The following MYO1B variants were observed in gnomAD, a reference collection of about 807,000 sequenced individuals.
MYO1B encodes unconventional myosin-Ib.
In MYO1B, 72 loss-of-function variants were observed where a neutral mutation model predicts 159.7. The ratio of observed to expected loss-of-function variants is 0.45; its 90% CI spans 0.37 to 0.55. MYO1B has a LOEUF of 0.55. MYO1B is among the 20% of genes least tolerant of loss of function. MYO1B has a pLI of 0.00. For missense variants in MYO1B, 1,062 were observed against 1,364.8 expected (o/e 0.78, Z 3.50); for synonymous variants, 468 against 473.8 (o/e 0.99, Z 0.16).
At chr2:191,337,844 G>A (rs1691957549) in intron 4 of MYO1B, among the ~76,000 whole-genome samples, 1 of 152,044 alleles carries the variant, frequency 6.6e-6, no homozygotes, top group African/African-American at 2.4e-5. Flanking sequence ...ATTCTCCTCA[G>A]AAATGCAGTT....
At chr2:191,348,164 G>C (rs1692688226) in intron 6 of MYO1B, among the ~76,000 whole-genome samples, 1 of 152,148 alleles carries the variant, frequency 6.6e-6, no homozygotes, top group African/African-American at 2.4e-5. Context: ...ACTATCAACT[G>C]AATTCTCAGG....
chr2:191,311,359 A>G (rs955974927), intron 3 of MYO1B, among the ~76,000 whole-genome samples: 1 of 152,216 alleles, frequency 6.6e-6, no homozygotes, highest in East Asian at 1.9e-4. Context: ...ACATGCAGGC[A>G]TAATCATAGG....
intron 1 of MYO1B, among the ~76,000 whole-genome samples, chr2:191,260,721 A>ATTTAG (rs1686761117): frequency 6.6e-6 from 1 of 152,178 alleles, no homozygotes; most frequent in Admixed American, 6.5e-5. Context: ...TGAAACTCAA[A>ATTTAG]TTTAGTTTTT....
chr2:191,325,993 G>A (rs1691036194), intron 3 of MYO1B, among the ~76,000 whole-genome samples: 1 of 152,130 alleles, frequency 6.6e-6, no homozygotes, highest in African/African-American at 2.4e-5. Context: ...TTTAAACATC[G>A]GGCTGACCCT....
rs551953817 is a variant in MYO1B at position 191,414,223 on chromosome 2, G to A, written c.3006+43G>A. On this transcript the variant is annotated intron_variant, in intron 28 of 30. Transcript: ENST00000392318. ...GAAGACTGATAAGAAGTACCTATTA[G>A]TTGGGATAGTCACCCTGTTTTCTGA... The A allele has an allele frequency of 1.6e-4, 250 of 1,573,990 alleles. 2 individuals are homozygous for A. Among genetic ancestry groups the A allele is most frequent in the South Asian group, 7.8e-4 (64 of 82,168 alleles).
At chr2:191,272,045 C>T (rs1264628762) in intron 1 of MYO1B, among the ~76,000 whole-genome samples, 1 of 152,166 alleles carries the variant, frequency 6.6e-6, no homozygotes, top group Non-Finnish European at 1.5e-5. Context: ...TTTTGAAATG[C>T]TGCTGTCAGT....
chr2:191,265,954 G>A (rs1687115919), intron 1 of MYO1B, among the ~76,000 whole-genome samples: 1 of 152,014 alleles, frequency 6.6e-6, no homozygotes, highest in African/African-American at 2.4e-5. Flanking sequence ...TGGCAGGTGG[G>A]GGGTCCATGT....
At chr2:191,333,402 A>G (rs1318867429) in intron 4 of MYO1B, among the ~76,000 whole-genome samples, 1 of 152,212 alleles carries the variant, frequency 6.6e-6, no homozygotes, top group Non-Finnish European at 1.5e-5. Context: ...AAATGAGACC[A>G]CTAGTCAACC....
intron 2 of MYO1B, among the ~76,000 whole-genome samples, 182 bp downstream of exon 2, chr2:191,277,212 C>T (rs529804063): frequency 6.6e-6 from 1 of 152,204 alleles, no homozygotes; most frequent in East Asian, 1.9e-4. Context: ...GTGGGTTAGA[C>T]AAGTCAGTCT....
chr2:191,275,158 C>T (rs1476439433), intron 1 of MYO1B, among the ~76,000 whole-genome samples: 1 of 152,174 alleles, frequency 6.6e-6, no homozygotes, highest in Non-Finnish European at 1.5e-5. Context: ...CCTGCCTCAG[C>T]CTCCCAAAGT....
intron 9 of MYO1B, 103 bp downstream of exon 9, chr2:191,362,474 C>T (rs902733741): frequency 2.7e-6 from 2 of 734,012 alleles, no homozygotes; most frequent in Non-Finnish European, 4.3e-6. Context: ...AGCTCATTCT[C>T]CCTAAGGTTT....
intron 30 of MYO1B, among the ~76,000 whole-genome samples, chr2:191,420,492 A>G (rs970151568): frequency 1.3e-5 from 2 of 152,220 alleles, no homozygotes; most frequent in African/African-American, 4.8e-5. Context: ...TACTAAGTTT[A>G]CACATACAAA....
chr2:191,382,739 T>C (rs1695117343), intron 14 of MYO1B, among the ~76,000 whole-genome samples: 1 of 152,202 alleles, frequency 6.6e-6, no homozygotes, highest in Admixed American at 6.5e-5. Flanking sequence ...AGTGGATAGA[T>C]TTTCATGTCT....
chr2:191,282,729 A>G (rs998477961), intron 2 of MYO1B, among the ~76,000 whole-genome samples: 2 of 152,168 alleles, frequency 1.3e-5, no homozygotes, highest in Non-Finnish European at 2.9e-5. Context: ...GCAGACCTTT[A>G]CCCAGGTAAT....
In MYO1B at chr2:191,348,806, C is replaced by T. The variant is rs536452429; in HGVS notation, c.499-1356C>T. Among the ~76,000 whole-genome samples the T allele has an allele frequency of 2.0e-5, 3 of 152,300 alleles. No individual in the cohort carries two copies. In the South Asian group the frequency reaches 6.2e-4, roughly 32 times the overall value. ...TAGCCAGGGAAATCTTGTAAATAGGCAGGTTTGATCATGGCATCCTTGTTT... is the reference window on the plus strand; with the variant it reads ...TAGCCAGGGAAATCTTGTAAATAGGTAGGTTTGATCATGGCATCCTTGTTT... On this transcript the variant is annotated intron_variant, in intron 6 of 30. Transcript: ENST00000392318.
At chr2:191,302,970 C>G (rs879445962) in intron 3 of MYO1B, among the ~76,000 whole-genome samples, 1 of 152,120 alleles carries the variant, frequency 6.6e-6, no homozygotes, top group Non-Finnish European at 1.5e-5. Context: ...GGATCACATA[C>G]CGTTGCCCAT....
At chr2:191,246,930 G>A (rs1389083554) in intron 1 of MYO1B, among the ~76,000 whole-genome samples, 1 of 152,198 alleles carries the variant, frequency 6.6e-6, no homozygotes, top group Non-Finnish European at 1.5e-5. Context: ...TCTGTGTGAG[G>A]ATCGTTTAGA....
chr2:191,247,916 G>T (rs889951253), intron 1 of MYO1B: 1 of 984,728 alleles, frequency 1.0e-6, no homozygotes, highest in Non-Finnish European at 1.2e-6. Context: ...ACTTTGTCAA[G>T]CCTGGAGTTA....
chr2:191,281,793 T>C (rs1401144337), intron 2 of MYO1B, among the ~76,000 whole-genome samples: 2 of 152,234 alleles, frequency 1.3e-5, no homozygotes. Flanking sequence ...GTATATTTGG[T>C]GCTGACCAGT....
Sources: gnomAD v4.1 joint callset for allele counts (sites outside exome capture counted in the v4.1 genomes callset) on GRCh38, gnomAD v4.1.1 for gene constraint, MANE v1.5 for transcripts, NCBI Gene and HGNC (gene_info 2026-07-23, HGNC 2026-07-21) for gene names.